Variants in NIPSNAP2 observed in about 807,000 individuals in gnomAD.
NIPSNAP2 encodes the protein protein NipSnap homolog 2.
In NIPSNAP2, 42 loss-of-function variants were observed where a neutral mutation model predicts 48.4. The observed-to-expected ratio is 0.87, with a 90% CI of 0.68 to 1.12. The LOEUF is 1.12. Ranked by LOEUF, NIPSNAP2 falls within the 50% of genes most tolerant of loss-of-function variation. The probability of loss-of-function intolerance (pLI) is 0.00; values close to 1 mark genes in which losing one functional copy is unlikely to be tolerated. For synonymous variants in NIPSNAP2, 158 were observed against 126.6 expected, an observed-to-expected ratio of 1.25 and a Z score of -1.67; for missense variants, 314 against 347.3, an observed-to-expected ratio of 0.90 and a Z score of 0.76.
At chr7:55,991,097 T>C (rs1787435159) in intron 7 of NIPSNAP2, among the ~76,000 whole-genome samples, 1 of 152,050 alleles carries the variant, frequency 6.6e-6, no homozygotes, top group African/African-American at 2.4e-5. Flanking sequence ...GGCCCCAGTT[T>C]TTCTCTTTTT....
chr7:55,965,372 C>T (rs1030997871), intron 1 of NIPSNAP2, among the ~76,000 whole-genome samples: 3 of 151,678 alleles, frequency 2.0e-5, no homozygotes, highest in Admixed American at 6.6e-5. Flanking sequence ...GTGGATTGGA[C>T]GTTTGGTTGT....
At chr7:55,984,948 C>T in intron 7 of NIPSNAP2, 70 bp downstream of exon 7, 1 of 1,261,364 alleles carries the variant, frequency 7.9e-7, no homozygotes, top group Non-Finnish European at 1.1e-6. Flanking sequence ...AGTGTTAATT[C>T]TAGGGAAAAA....
chr7:55,972,703 A>G (rs1460662257), intron 1 of NIPSNAP2, among the ~76,000 whole-genome samples: 1 of 152,190 alleles, frequency 6.6e-6, no homozygotes, highest in Non-Finnish European at 1.5e-5. Flanking sequence ...TGCTGGGATT[A>G]CAAGCATGAG....
chr7:55,990,419 G>A (rs1464482561), intron 7 of NIPSNAP2, among the ~76,000 whole-genome samples: 1 of 152,022 alleles, frequency 6.6e-6, no homozygotes, highest in Non-Finnish European at 1.5e-5. Context: ...TTTTAGTAGA[G>A]ACGGGGTTTC....
chr7:55,993,122 A>G (rs1787484462), intron 7 of NIPSNAP2, among the ~76,000 whole-genome samples: 1 of 152,008 alleles, frequency 6.6e-6, no homozygotes. Context: ...AATGTGGTGA[A>G]ATCCCATCTC....
intron 4 of NIPSNAP2, 103 bp from the exon 5 acceptor site, chr7:55,982,107 C>T: frequency 1.5e-6 from 1 of 661,512 alleles, no homozygotes; most frequent in South Asian, 1.9e-5. Context: ...ACACACCCAG[C>T]CTACAGTTTT....
chr7:55,971,616 C>G (rs1441937434), intron 1 of NIPSNAP2, among the ~76,000 whole-genome samples: 1 of 152,128 alleles, frequency 6.6e-6, no homozygotes, highest in Non-Finnish European at 1.5e-5. Flanking sequence ...GCACGAGCCA[C>G]CATGCCCAGC....
At chr7:55,996,001 A>G (rs1315338574) in intron 8 of NIPSNAP2, among the ~76,000 whole-genome samples, 1 of 152,100 alleles carries the variant, frequency 6.6e-6, no homozygotes, top group African/African-American at 2.4e-5. Context: ...AATTAACAAG[A>G]TATTGGCTGG....
chr7:55,978,592 A>C, intron 3 of NIPSNAP2, 197 bp downstream of exon 3: 1 of 576,144 alleles, frequency 1.7e-6, no homozygotes. Flanking sequence ...CAGCTAAATC[A>C]TCATATAGGC....
At chr7:55,991,906 A>G (rs1584350808) in intron 7 of NIPSNAP2, 9 of 218,154 alleles carry the variant, frequency 4.1e-5, no homozygotes, top group South Asian at 2.8e-4. Context: ...TTGTTTGCCT[A>G]CCATAACTAA....
intron 1 of NIPSNAP2, among the ~76,000 whole-genome samples, chr7:55,967,770 A>G (rs1786927793): frequency 6.6e-6 from 1 of 151,608 alleles, no homozygotes; most frequent in African/African-American, 2.4e-5. Flanking sequence ...TGTCTCAGCT[A>G]CCTGAACAGC....
chr7:55,990,291 C>T (rs1392309648), intron 7 of NIPSNAP2, among the ~76,000 whole-genome samples: 4 of 146,470 alleles, frequency 2.7e-5, no homozygotes, highest in Admixed American at 6.9e-5. Context: ...TGCAGTGGTG[C>T]GAACTCGGCT....
intron 1 of NIPSNAP2, among the ~76,000 whole-genome samples, chr7:55,972,439 T>TC (rs1319890628): frequency 6.6e-6 from 1 of 151,278 alleles, no homozygotes; most frequent in Non-Finnish European, 1.5e-5. Flanking sequence ...TTTTTCTTTT[T>TC]TTTTTTTTTT....
intron 8 of NIPSNAP2, 21 bp from the exon 9 acceptor site, chr7:55,997,345 C>T (rs1787582858): frequency 6.3e-7 from 1 of 1,582,798 alleles, no homozygotes; most frequent in Non-Finnish European, 8.7e-7. Flanking sequence ...AGTCTTACTT[C>T]TCTGTGTGGT....
intron 1 of NIPSNAP2, among the ~76,000 whole-genome samples, chr7:55,969,620 G>A (rs572698402): frequency 1.3e-5 from 2 of 152,284 alleles, no homozygotes; most frequent in East Asian, 1.9e-4. Context: ...CTGAGCTCCC[G>A]TGAAGTCAGG....
intron 6 of NIPSNAP2, among the ~76,000 whole-genome samples, chr7:55,984,188 C>G (rs1175292050): frequency 1.3e-5 from 2 of 152,162 alleles, no homozygotes. Context: ...CTAATAAACA[C>G]TGTGACTGTT....
At chr7:55,966,875 G>C (rs1335833311) in intron 1 of NIPSNAP2, among the ~76,000 whole-genome samples, 1 of 152,212 alleles carries the variant, frequency 6.6e-6, no homozygotes, top group Non-Finnish European at 1.5e-5. Context: ...GTCCTGGGAT[G>C]TGCAGCGTAT....
Position 55,999,112 on chromosome 7 carries a change from C to T in NIPSNAP2, c.*40C>T. On this transcript the variant is annotated 3_prime_UTR_variant, in exon 10 of 10. Transcript: ENST00000322090. ...TATGTGCCTACATACATTTCTGTGA[C>T]AAGTATTTGTCGTAAATTAATTTTA... 6.7e-7 allele frequency: 1 copy of T among 1,490,656 alleles called. No individual in the cohort carries two copies. The highest frequency in any genetic ancestry group is 1.8e-5 in the Admixed American group (1 of 56,240). 92.3% of individuals were successfully genotyped at this position (1,490,656 alleles called of 1,614,324 possible).
chr7:55,985,076 A>G (rs1034095102), intron 7 of NIPSNAP2, among the ~76,000 whole-genome samples, 198 bp downstream of exon 7: 15 of 152,184 alleles, frequency 9.9e-5, no homozygotes, highest in African/African-American at 2.9e-4. Context: ...TTCCACATCC[A>G]TCTCTTAGCT....
Sources: gnomAD v4.1 joint callset for allele counts (sites outside exome capture counted in the v4.1 genomes callset) on GRCh38, gnomAD v4.1.1 for gene constraint, MANE v1.5 for transcripts, NCBI Gene and HGNC (gene_info 2026-07-23, HGNC 2026-07-21) for gene names.